The following UGGT2 variants were observed in gnomAD, a reference collection of about 807,000 sequenced individuals.
UGGT2 encodes UDP-glucose glycoprotein glucosyltransferase 2.
Under a neutral mutation model 192.1 loss-of-function variants are expected in UGGT2, and 180 were observed. The observed-to-expected ratio is 0.94, with a 90% CI of 0.83 to 1.06. The LOEUF is 1.06. Among genes scored for constraint, UGGT2 ranks in the 50% least tolerant of loss-of-function variants. The pLI, the probability that UGGT2 is intolerant of heterozygous loss-of-function variation, is 0.00. For synonymous variants in UGGT2, 580 were observed against 591.0 expected, an observed-to-expected ratio of 0.98 and a Z score of 0.27; for missense variants, 1,849 against 1,795.7, an observed-to-expected ratio of 1.03 and a Z score of -0.54.
At chr13:96,036,099 C>G (rs2052993068) in intron 1 of UGGT2, among the ~76,000 whole-genome samples, 2 of 152,188 alleles carry the variant, frequency 1.3e-5, no homozygotes, top group South Asian at 4.1e-4. Context: ...AATATACATG[C>G]ACACATATGT....
intron 29 of UGGT2, among the ~76,000 whole-genome samples, chr13:95,871,806 A>G (rs371030712): frequency 6.6e-6 from 1 of 152,204 alleles, no homozygotes; most frequent in East Asian, 1.9e-4. Context: ...CCACACCAAC[A>G]TAACCAGGGA....
chr13:96,047,172 T>G (rs1030512440), intron 1 of UGGT2, among the ~76,000 whole-genome samples: 7 of 152,194 alleles, frequency 4.6e-5, no homozygotes, highest in Non-Finnish European at 7.3e-5. Context: ...GACTGCCTCC[T>G]CAAGTGGATC....
At chr13:96,048,510 A>G (rs2053386539) in intron 1 of UGGT2, among the ~76,000 whole-genome samples, 1 of 152,204 alleles carries the variant, frequency 6.6e-6, no homozygotes, top group Admixed American at 6.5e-5. Context: ...AGATAGAGAC[A>G]CAAGAAAACC....
rs1890220952 is a variant in UGGT2 at position 95,862,082 on chromosome 13, T to C, written c.3645-1199A>G. 2.0e-5 allele frequency among the ~76,000 whole-genome samples: 3 copies of C among 152,172 alleles called. No individual in the cohort carries two copies. In the South Asian group the frequency reaches 6.2e-4, roughly 31 times the overall value. On this transcript the variant is annotated intron_variant, in intron 31 of 38. Transcript: ENST00000376747. ...TAAAATTGCTCAGATTCTATTTCAT[T>C]ATCCCCTGTCAAACATACCTACCCT...
chr13:95,902,807 T>A (rs1460849914), intron 21 of UGGT2, 47 bp downstream of exon 21: 1 of 1,545,704 alleles, frequency 6.5e-7, no homozygotes, highest in East Asian at 2.3e-5. Flanking sequence ...CTCACACTTT[T>A]AAAATATGCA....
chr13:96,053,028 G>A, intron 1 of UGGT2, 127 bp downstream of exon 1: 5 of 1,290,214 alleles, frequency 3.9e-6, no homozygotes, highest in Non-Finnish European at 5.0e-6. Flanking sequence ...GTGATGCTCA[G>A]GGCCAGAGCG....
chr13:95,954,481 T>A (rs2050156768), intron 12 of UGGT2, among the ~76,000 whole-genome samples: 1 of 152,214 alleles, frequency 6.6e-6, no homozygotes, highest in African/African-American at 2.4e-5. Context: ...TTAAGTCTGA[T>A]TAGAAACATT....
At chr13:95,870,271 C>T (rs1000949158) in intron 29 of UGGT2, among the ~76,000 whole-genome samples, 24 of 152,150 alleles carry the variant, frequency 1.6e-4, no homozygotes, top group Non-Finnish European at 3.1e-4. Context: ...GCATACACTG[C>T]AGTAGTTAGA....
At chr13:96,039,920 A>G (rs982201009) in intron 1 of UGGT2, among the ~76,000 whole-genome samples, 27 of 152,204 alleles carry the variant, frequency 1.8e-4, no homozygotes, top group African/African-American at 6.5e-4. Flanking sequence ...AATTCTCTTC[A>G]GGATGATATA....
rs141757413 is a variant in UGGT2, at chr13:96,029,077, G to A, written c.241+2812C>T. Among the ~76,000 whole-genome samples the A allele has an allele frequency of 1.9e-3, 287 of 152,196 alleles. 1 individual carries two copies. The highest frequency in any genetic ancestry group is 6.7e-3 in the African/African-American group (277 of 41,520). ...TAGGTGGGAGAATGGTGTGAACCCA[G>A]GAGGCGGAGCTGGCAGTTAGCCGAG... On this transcript the variant is annotated intron_variant, in intron 2 of 38. Coordinates refer to ENST00000376747, the MANE Select transcript of UGGT2 (RefSeq NM_020121.4).
chr13:95,972,974 C>T (rs993734227), intron 10 of UGGT2, among the ~76,000 whole-genome samples: 1 of 152,168 alleles, frequency 6.6e-6, no homozygotes, highest in Non-Finnish European at 1.5e-5. Flanking sequence ...AGTTCAAGAC[C>T]ACCCTGACCA....
chr13:96,025,676 A>AAGCTAAGTTTTT (rs1387275835), intron 2 of UGGT2, among the ~76,000 whole-genome samples: 1 of 152,160 alleles, frequency 6.6e-6, no homozygotes, highest in Non-Finnish European at 1.5e-5. Context: ...AAACTGTGGC[A>AAGCTAAGTTTTT]AGCTAAGTTT....
At chr13:95,890,257 A>G (rs1317657804) in intron 25 of UGGT2, among the ~76,000 whole-genome samples, 1 of 152,178 alleles carries the variant, frequency 6.6e-6, no homozygotes, top group East Asian at 1.9e-4. Flanking sequence ...ACAACATATG[A>G]AAGACACCTG....
At chr13:95,841,622 A>G (rs944541027) in intron 36 of UGGT2, among the ~76,000 whole-genome samples, 1 of 152,178 alleles carries the variant, frequency 6.6e-6, no homozygotes, top group South Asian at 2.1e-4. Flanking sequence ...CATGATTTGC[A>G]AATATTTTGT....
intron 20 of UGGT2, among the ~76,000 whole-genome samples, chr13:95,909,781 A>ATAATAAT (rs376886414): frequency 2.4e-5 from 3 of 122,936 alleles, no homozygotes; most frequent in African/African-American, 5.9e-5. Context: ...AATAATAATA[A>ATAATAAT]AAAAGATTCC....
intron 16 of UGGT2, 76 bp from the exon 17 acceptor site, chr13:95,937,164 C>T (rs1045831434): frequency 7.9e-5 from 114 of 1,451,620 alleles, no homozygotes; most frequent in Non-Finnish European, 1.0e-4. Context: ...AATGGAACAC[C>T]GCCACATTTT....
chr13:95,844,426 AT>A (rs1311543408), intron 36 of UGGT2, among the ~76,000 whole-genome samples: 1 of 152,212 alleles, frequency 6.6e-6, no homozygotes, highest in African/African-American at 2.4e-5. Context: ...CATCTTAACA[AT>A]ATCCAGTCTT....
chr13:95,997,432 G>A (rs1252341277), intron 6 of UGGT2, among the ~76,000 whole-genome samples: 7 of 152,124 alleles, frequency 4.6e-5, no homozygotes, highest in Non-Finnish European at 8.8e-5. Context: ...TGAATCACAA[G>A]GTCAGTTCAA....
chr13:95,950,165 C>T (rs1329489425), intron 12 of UGGT2, among the ~76,000 whole-genome samples: 1 of 152,118 alleles, frequency 6.6e-6, no homozygotes, highest in East Asian at 1.9e-4. Context: ...GAGAAGGAAA[C>T]TGCAGGAAAC....
Sources: allele counts gnomAD v4.1 joint callset (sites outside exome capture counted in the v4.1 genomes callset), GRCh38; gene constraint gnomAD v4.1.1; transcripts MANE v1.5; gene names NCBI Gene and HGNC (gene_info 2026-07-23, HGNC 2026-07-21).